Variants in MYPN observed in about 807,000 individuals in gnomAD.
MYPN encodes the protein myopalladin, also known as sarcomeric protein myopalladin, 145 kDa (MYOP).
A neutral mutation model predicts 129.4 loss-of-function variants in MYPN; 63 were observed. The ratio of observed to expected loss-of-function variants is 0.49; its 90% CI spans 0.40 to 0.60. The LOEUF (loss-of-function observed/expected upper bound fraction) is 0.60. Among genes scored for constraint, MYPN ranks in the 20% least tolerant of loss-of-function variants. The pLI is 0.00. For missense variants in MYPN, 1,596 were observed against 1,635.4 expected (o/e 0.98, Z 0.42); for synonymous variants, 629 against 600.9 (o/e 1.05, Z -0.68).
chr10:68,202,043 G>A, intron 18 of MYPN, 49 bp downstream of exon 18: 1 of 1,603,076 alleles, frequency 6.2e-7, no homozygotes. Context: ...AGTGGGGCTT[G>A]TTGCGCCACC....
Position 68,166,419 on chromosome 10 carries a change from C to A in MYPN, c.1726C>A (p.Pro576Thr). 6.2e-7 allele frequency: 1 copy of A among 1,614,128 alleles called. No homozygotes were observed. Among genetic ancestry groups the A allele is most frequent in the Non-Finnish European group, 8.5e-7 (1 of 1,180,036 alleles). Residue 576 changes from proline (P) to threonine (T), a missense_variant, in exon 10 of 20, where the codon CCC becomes ACC. Coordinates refer to ENST00000358913, the MANE Select transcript of MYPN (RefSeq NM_032578.4). ...TCCATCTGTGGAACAACCCCCCAAA[C>A]CCAAACTCGAGGGGGTTCTGGTGAA... ...EPPSVEQPPK[P>T]KLEGVLVNHN... is the part of the protein sequence containing the mutation.
At chr10:68,101,818 G>A (rs1276197317), upstream of MYPN, among the ~76,000 whole-genome samples, 1 of 151,724 alleles carries the variant, frequency 6.6e-6, no homozygotes, top group African/African-American at 2.4e-5. Flanking sequence ...GATTTCAATT[G>A]TATAGGTCAA....
At chr10:68,145,416 G>A (rs1342145867) in intron 3 of MYPN, 59 bp from the exon 4 acceptor site, 4 of 1,367,728 alleles carry the variant, frequency 2.9e-6, no homozygotes, top group Non-Finnish European at 4.2e-6. Context: ...GTCGTGTTTA[G>A]GAACCAATTT....
At chr10:68,209,794 A>T (rs1053842178) in intron 19 of MYPN, among the ~76,000 whole-genome samples, 30 of 150,400 alleles carry the variant, frequency 2.0e-4, no homozygotes, top group African/African-American at 6.6e-4. Context: ...TCCTGGGTTC[A>T]AGTGATTCTC....
At chr10:68,153,573 C>T (rs2042815135) in intron 6 of MYPN, among the ~76,000 whole-genome samples, 1 of 152,136 alleles carries the variant, frequency 6.6e-6, no homozygotes, top group African/African-American at 2.4e-5. Context: ...GTGCTTTTGC[C>T]TCCATAAATG....
chr10:68,127,358 G>T (rs185500947), intron 2 of MYPN, among the ~76,000 whole-genome samples: 1 of 106,948 alleles, frequency 9.4e-6, no homozygotes, highest in Non-Finnish European at 1.8e-5. Flanking sequence ...ATGAAGTCTC[G>T]CTCTGTCACC....
chr10:68,130,197 C>T (rs925877640), intron 2 of MYPN, among the ~76,000 whole-genome samples: 57 of 152,136 alleles, frequency 3.7e-4, no homozygotes, highest in Admixed American at 3.9e-4. Context: ...TGGTGGCTCA[C>T]GCCTGTAATC....
In MYPN at chr10:68,211,412, A is replaced by G. The variant is rs1455512262; in HGVS notation, c.*957A>G. 9 of 453,972 alleles carry G rather than the reference A, an allele frequency of 2.0e-5. No individual in the cohort carries two copies. Among genetic ancestry groups the G allele is most frequent in the Admixed American group, 2.4e-5 (1 of 42,550 alleles). 28.1% of individuals were successfully genotyped at this position (453,972 alleles called of 1,614,324 possible). Reference sequence around the variant, plus strand: ...ACAAACAAGGAGAGGAAATGATGGGAGAGTGTTGTTTTTGTCACTTGCCCC... The same window carrying G: ...ACAAACAAGGAGAGGAAATGATGGGGGAGTGTTGTTTTTGTCACTTGCCCC... On this transcript the variant is annotated 3_prime_UTR_variant, in exon 20 of 20. Transcript: ENST00000358913.
intron 2 of MYPN, among the ~76,000 whole-genome samples, chr10:68,130,550 T>A (rs1486143423): frequency 6.6e-6 from 1 of 152,144 alleles, no homozygotes; most frequent in Non-Finnish European, 1.5e-5. Context: ...CTCTTCTGGT[T>A]TCATTTATTT....
intron 18 of MYPN, among the ~76,000 whole-genome samples, chr10:68,205,516 CAAAAAA>C (rs35907393): frequency 7.4e-6 from 1 of 134,634 alleles, no homozygotes; most frequent in African/African-American, 2.8e-5. Context: ...CTATTTCTAC[CAAAAAA>C]AAAAAAAAAG....
intron 2 of MYPN, among the ~76,000 whole-genome samples, chr10:68,139,712 C>T (rs888020323): frequency 6.6e-6 from 1 of 152,120 alleles, no homozygotes; most frequent in Admixed American, 6.5e-5. Flanking sequence ...TCAAAGGTTG[C>T]CATAGAACTT....
upstream of MYPN, among the ~76,000 whole-genome samples, chr10:68,105,952 C>T (rs185155102): frequency 2.0e-5 from 3 of 152,354 alleles, no homozygotes; most frequent in African/African-American, 7.2e-5. Flanking sequence ...GCCCTGCAGG[C>T]TAAGAACATC....
intron 2 of MYPN, chr10:68,136,507 A>C: frequency 7.3e-7 from 1 of 1,364,356 alleles, no homozygotes; most frequent in Non-Finnish European, 9.5e-7. Flanking sequence ...GGGTAAATTT[A>C]ATACCTTTTC....
Position 68,122,359 on chromosome 10 carries a change from T to C in MYPN, c.902+19T>C. The stretch of plus-strand genomic sequence containing the variant: ...AAGTAAGGTAAAAATGTCCCATTGG[T>C]AATGCTGAGTAATGTTGCTTTCCAT... On this transcript the variant is annotated intron_variant, in intron 2 of 19. Coordinates refer to ENST00000358913, the MANE Select transcript of MYPN (RefSeq NM_032578.4). 1 of 1,610,136 alleles carries C rather than the reference T, an allele frequency of 6.2e-7. No homozygotes were observed. Among genetic ancestry groups the C allele is most frequent in the South Asian group, 1.1e-5 (1 of 90,918 alleles).
intron 2 of MYPN, chr10:68,136,222 G>C: frequency 1.0e-6 from 1 of 986,106 alleles, no homozygotes; most frequent in Non-Finnish European, 1.2e-6. Flanking sequence ...TTGCTAGCTA[G>C]CCAAATGAGC....
intron 6 of MYPN, among the ~76,000 whole-genome samples, chr10:68,156,434 A>G (rs1411039423): frequency 1.3e-5 from 2 of 152,198 alleles, no homozygotes; most frequent in African/African-American, 4.8e-5. Flanking sequence ...AAGACAAATA[A>G]TAACAAGATT....
At chr10:68,201,678 G>T (rs1390931994) in intron 17 of MYPN, 151 bp from the exon 18 acceptor site, 1 of 814,556 alleles carries the variant, frequency 1.2e-6, no homozygotes, top group African/African-American at 1.7e-5. Context: ...TGAGGCAGGA[G>T]AATCACCTGA....
At chr10:68,129,552 A>G (rs571563972) in intron 2 of MYPN, among the ~76,000 whole-genome samples, 2 of 152,328 alleles carry the variant, frequency 1.3e-5, no homozygotes, top group East Asian at 1.9e-4. Flanking sequence ...CAAATGTTCT[A>G]GTATGGTACA....
Position 68,174,091 on chromosome 10 carries a change from C to A in MYPN, c.1999C>A (p.His667Asn), listed in dbSNP as rs1232931575. ...KLDSTQLQQL[H>N]NQVLLEQHQL... ...TGATTCCACTCAGTTACAACAGCTT[C>A]ATAACCAAGTCTTACTGGAACAACA... The change falls in exon 11 of 20, where the codon CAT (histidine) becomes AAT (asparagine). Residue 667 changes from histidine (H) to asparagine (N), a missense_variant. Coordinates refer to ENST00000358913, the MANE Select transcript of MYPN (RefSeq NM_032578.4). The A allele has an allele frequency of 6.2e-7, 1 of 1,614,078 alleles. No individual in the cohort carries two copies.
Sources: allele counts gnomAD v4.1 joint callset (sites outside exome capture counted in the v4.1 genomes callset), GRCh38; gene constraint gnomAD v4.1.1; transcripts MANE v1.5; gene names NCBI Gene and HGNC (gene_info 2026-07-23, HGNC 2026-07-21).